RNF24: variants seen among roughly 807,000 people sequenced by gnomAD.
The protein encoded by RNF24 is ring finger protein 24.
A neutral mutation model predicts 20.0 loss-of-function variants in RNF24; 14 were observed. The observed-to-expected ratio is 0.70, with a 90% CI of 0.46 to 1.10. The LOEUF (loss-of-function observed/expected upper bound fraction) is 1.10, where lower values mean the gene tolerates loss of function less well. Among genes scored for constraint, RNF24 ranks in the 50% least tolerant of loss-of-function variants. RNF24 has a pLI of 0.00. For missense variants in RNF24, 124 were observed against 177.6 expected, an observed-to-expected ratio of 0.70 and a Z score of 1.71; for synonymous variants, 45 against 61.1, an observed-to-expected ratio of 0.74 and a Z score of 1.23.
intron 4 of RNF24, among the ~76,000 whole-genome samples, chr20:3,938,079 T>C (rs2090913394): frequency 6.6e-6 from 1 of 152,212 alleles, no homozygotes; most frequent in African/African-American, 2.4e-5. Flanking sequence ...CTACCAGCAG[T>C]ACGTATGGGT....
chr20:4,004,899 G>A (rs978283244), intron 1 of RNF24, among the ~76,000 whole-genome samples: 2 of 152,170 alleles, frequency 1.3e-5, no homozygotes, highest in African/African-American at 4.8e-5. Flanking sequence ...CAGTAGCTCT[G>A]CAGGAGCATC....
At position 3,928,747 on chromosome 20, in the gene RNF24, C is replaced by CAAAAAAAAAA. The variant is rs528166005; in HGVS notation, c.*5306_*5315dup. 1.2e-4 allele frequency: 7 copies of CAAAAAAAAAA among 56,858 alleles called. No individual in the cohort carries two copies. The highest frequency in any genetic ancestry group is 1.7e-4 in the Non-Finnish European group (5 of 29,026). 3.5% of individuals were successfully genotyped at this position (56,858 alleles called of 1,614,324 possible). A position where few individuals can be genotyped will look rare whatever the true frequency, so the allele number is the denominator to read the frequency against. On this transcript the variant is annotated 3_prime_UTR_variant, in exon 6 of 6. Transcript: ENST00000358395. ...TGGGTGACAGAGCGAGACTCCGTCT[C>CAAAAAAAAAA]AAAAAAAAAAAAAAAAAAAAAAAAA...
At position 3,931,982 on chromosome 20, in the gene RNF24, C is replaced by A. The variant is rs1441214300; in HGVS notation, c.*2081G>T. Reference sequence around the variant, plus strand: ...TTTTGTTAGTACTGATGCACAGGGACAGAAAAAGCCTGCAACTTTCAGTTG... The same window carrying A: ...TTTTGTTAGTACTGATGCACAGGGAAAGAAAAAGCCTGCAACTTTCAGTTG... On this transcript the variant is annotated 3_prime_UTR_variant, in exon 6 of 6. Coordinates refer to ENST00000358395, the MANE Select transcript of RNF24 (RefSeq NM_001134337.3). The A allele has an allele frequency of 6.6e-6, 1 of 152,180 alleles. No individual in the cohort carries two copies. 9.4% of individuals were successfully genotyped at this position (152,180 alleles called of 1,614,324 possible).
intron 1 of RNF24, among the ~76,000 whole-genome samples, chr20:3,971,700 A>G (rs919908324): frequency 6.6e-6 from 1 of 152,206 alleles, no homozygotes; most frequent in African/African-American, 2.4e-5. Flanking sequence ...TAAGAAAACT[A>G]TACAAAGACA....
intron 1 of RNF24, among the ~76,000 whole-genome samples, chr20:3,999,974 T>C (rs904780781): frequency 4.0e-5 from 6 of 151,862 alleles, no homozygotes; most frequent in East Asian, 1.9e-4. Flanking sequence ...AAATAGAAAG[T>C]AGATTGGTAG....
At chr20:4,003,845 T>C (rs758500109) in intron 1 of RNF24, among the ~76,000 whole-genome samples, 1 of 152,056 alleles carries the variant, frequency 6.6e-6, no homozygotes, top group Non-Finnish European at 1.5e-5. Context: ...GGTTTCGCCA[T>C]GTTGGACAGG....
chr20:3,933,804 A>G lies in RNF24; in HGVS notation c.*259T>C, dbSNP rs1352585348. ...GAGAGTGTAATGGAGTTAGTAAGAG[A>G]CCCTCATGAAGTTTCTTGAGGCAAA... On this transcript the variant is annotated 3_prime_UTR_variant, in exon 6 of 6. Coordinates refer to ENST00000358395, the MANE Select transcript of RNF24 (RefSeq NM_001134337.3). 2 of 307,496 alleles carry G rather than the reference A, an allele frequency of 6.5e-6. No individual in the cohort carries two copies. The highest frequency in any genetic ancestry group is 4.3e-5 in the African/African-American group (2 of 46,424). The allele number at this position is 307,496 out of a possible 1,614,324, so 19.0% of individuals were successfully genotyped here.
rs982485073 is a variant in RNF24, at chr20:3,937,239, C to T, written c.229-2166G>A. On this transcript the variant is annotated intron_variant, in intron 4 of 5. Coordinates refer to ENST00000358395, the MANE Select transcript of RNF24 (RefSeq NM_001134337.3). ...AGAAAAAACAAGACAAACTCTGACA[C>T]GTTAAATGCTAAAGGTGACCAAAGT... Among the ~76,000 whole-genome samples, 8 of 152,132 alleles carry T rather than the reference C, an allele frequency of 5.3e-5. No homozygotes were observed. In the South Asian group the frequency reaches 1.2e-3, roughly 24 times the overall value.
intron 2 of RNF24, among the ~76,000 whole-genome samples, chr20:3,958,014 T>C (rs1309486481): frequency 1.3e-5 from 2 of 152,184 alleles, no homozygotes; most frequent in Non-Finnish European, 2.9e-5. Flanking sequence ...TCTTTAAGTG[T>C]TACCCTATCA....
At chr20:4,003,126 C>T (rs1981552441) in intron 1 of RNF24, among the ~76,000 whole-genome samples, 1 of 152,136 alleles carries the variant, frequency 6.6e-6, no homozygotes, top group African/African-American at 2.4e-5. Flanking sequence ...CCTGCCACGG[C>T]GCCCGGCTAA....
intron 1 of RNF24, among the ~76,000 whole-genome samples, chr20:4,013,779 C>T (rs1478476834): frequency 4.6e-5 from 7 of 152,124 alleles, no homozygotes; most frequent in Non-Finnish European, 1.0e-4. Flanking sequence ...GCCACCGCAC[C>T]CGACCCATAA....
intron 1 of RNF24, among the ~76,000 whole-genome samples, chr20:3,985,208 A>G (rs1430456555): frequency 6.6e-6 from 1 of 152,118 alleles, no homozygotes; most frequent in African/African-American, 2.4e-5. Context: ...TAATTTTAAA[A>G]TATGTTTCAT....
chr20:3,986,131 T>C (rs1264695514), intron 1 of RNF24, among the ~76,000 whole-genome samples: 1 of 152,210 alleles, frequency 6.6e-6, no homozygotes, highest in Admixed American at 6.5e-5. Flanking sequence ...GACTTCACTT[T>C]GAGGGCAAAG....
intron 1 of RNF24, among the ~76,000 whole-genome samples, chr20:3,988,475 T>G (rs1980127569): frequency 6.7e-6 from 1 of 150,012 alleles, no homozygotes; most frequent in Non-Finnish European, 1.5e-5. Flanking sequence ...TTTTTTTTTT[T>G]TTGAGACATG....
At chr20:3,944,111 G>A (rs1211554270) in intron 4 of RNF24, among the ~76,000 whole-genome samples, 1 of 150,926 alleles carries the variant, frequency 6.6e-6, no homozygotes, top group East Asian at 1.9e-4. Context: ...TCGACAGGCT[G>A]AAGCAGGAGA....
chr20:3,950,277 T>A (rs944822248), intron 2 of RNF24, among the ~76,000 whole-genome samples: 3 of 152,180 alleles, frequency 2.0e-5, no homozygotes, highest in African/African-American at 7.2e-5. Flanking sequence ...TTATATTGGA[T>A]TAAGATGAGC....
intron 1 of RNF24, among the ~76,000 whole-genome samples, chr20:3,970,971 G>C (rs1292838752): frequency 1.3e-5 from 2 of 152,320 alleles, no homozygotes; most frequent in Non-Finnish European, 2.9e-5. Flanking sequence ...TAAGTGTACA[G>C]ATTTAAGAAG....
intron 1 of RNF24, among the ~76,000 whole-genome samples, chr20:3,964,567 G>T (rs946744791): frequency 3.3e-5 from 5 of 151,926 alleles, no homozygotes; most frequent in African/African-American, 1.2e-4. Context: ...TGTCACCCCA[G>T]GCTGGAGTGC....
chr20:3,951,306 G>A (rs2091078969), intron 2 of RNF24, among the ~76,000 whole-genome samples: 1 of 152,066 alleles, frequency 6.6e-6, no homozygotes, highest in Non-Finnish European at 1.5e-5. Context: ...TGTCTTTCAA[G>A]ATTTTGACAT....
Sources: gnomAD v4.1 joint callset for allele counts (sites outside exome capture counted in the v4.1 genomes callset) on GRCh38, gnomAD v4.1.1 for gene constraint, MANE v1.5 for transcripts, NCBI Gene and HGNC (gene_info 2026-07-23, HGNC 2026-07-21) for gene names.